The following PARP9 variants were observed in gnomAD, a reference collection of about 807,000 sequenced individuals.
The protein encoded by PARP9 is protein mono-ADP-ribosyltransferase PARP9.
Under a neutral mutation model 68.8 loss-of-function variants are expected in PARP9, and 48 were observed. The observed-to-expected ratio is 0.70, with a 90% CI of 0.55 to 0.89. PARP9 has a LOEUF of 0.89. Among genes scored for constraint, PARP9 ranks in the 40% least tolerant of loss-of-function variants. The pLI is 0.00. For synonymous variants in PARP9, 309 were observed against 333.8 expected, an observed-to-expected ratio of 0.93 and a Z score of 0.81; for missense variants, 806 against 969.3, an observed-to-expected ratio of 0.83 and a Z score of 2.24.
intron 9 of PARP9, 65 bp from the exon 10 acceptor site, chr3:122,536,407 T>C (rs2077645344): frequency 1.9e-6 from 3 of 1,556,332 alleles, no homozygotes; most frequent in Admixed American, 2.1e-5. Flanking sequence ...TTGCCTGCTA[T>C]ACTGCTTCAA....
intron 6 of PARP9, among the ~76,000 whole-genome samples, chr3:122,547,761 G>A (rs925999359): frequency 1.3e-5 from 2 of 152,086 alleles, no homozygotes; most frequent in Admixed American, 1.3e-4. Flanking sequence ...GCTGAGATGG[G>A]AGGATTGCTT....
At position 122,528,375 on chromosome 3, in the gene PARP9, G is replaced by C. The variant is rs1261466540; in HGVS notation, c.2449C>G (p.Pro817Ala). Residue 817 changes from proline (P) to alanine (A), a missense_variant, in exon 11 of 11, where the codon CCT (proline) becomes GCT (alanine). Transcript: ENST00000682323. ...HPWRGFASGS[P>A]VD ...AAATGATGTAGAGATTAATCAACAG[G>C]GCTGCCACTTGCGAATCCCCTCCAA... 1.2e-6 allele frequency: 2 copies of C among 1,612,834 alleles called. No individual in the cohort carries two copies. The highest frequency in any genetic ancestry group is 2.7e-5 in the African/African-American group (2 of 74,914).
intron 6 of PARP9, among the ~76,000 whole-genome samples, chr3:122,549,118 A>T (rs1185102819): frequency 2.0e-5 from 3 of 151,616 alleles, no homozygotes; most frequent in African/African-American, 7.3e-5. Flanking sequence ...GGGTTCAAGC[A>T]ATTCTCCTGC....
chr3:122,536,176 GT>G lies in PARP9; in HGVS notation c.2071del (p.Thr691HisfsTer33), dbSNP rs1467787196. On this transcript the variant is annotated frameshift_variant, in exon 10 of 11. Coordinates refer to ENST00000682323, the MANE Select transcript of PARP9 (RefSeq NM_001146105.2). LOFTEE classifies it low-confidence loss of function (END_TRUNC). ...CRVGFQRMYS[T>X]PCDPKYGAGI... is the part of the protein sequence containing the mutation. ...GAGGCATTGACACCTACCGCAAGGTGTCGAGTACATTCTTTGAAAGCCAACT... is the reference window on the plus strand; with the variant it reads ...GAGGCATTGACACCTACCGCAAGGTGCGAGTACATTCTTTGAAAGCCAACT... 3.7e-6 allele frequency: 6 copies of G among 1,614,136 alleles called. No homozygotes were observed. Among genetic ancestry groups the G allele is most frequent in the Non-Finnish European group, 5.1e-6 (6 of 1,180,026 alleles).
chr3:122,543,886 C>CTCCCA (rs1553716197), intron 7 of PARP9, among the ~76,000 whole-genome samples: 33 of 152,366 alleles, frequency 2.2e-4, no homozygotes, highest in Non-Finnish European at 4.0e-4. Flanking sequence ...GCTGGGATTA[C>CTCCCA]AGGCTTGAGC....
At chr3:122,540,876 C>G (rs778522108) in intron 7 of PARP9, 24 bp from the exon 8 acceptor site, 1 of 1,566,902 alleles carries the variant, frequency 6.4e-7, no homozygotes, top group Non-Finnish European at 8.6e-7. Flanking sequence ...AATAAGCAAC[C>G]ATGGAAGACT....
intron 10 of PARP9, chr3:122,533,588 G>A: frequency 1.4e-6 from 1 of 695,444 alleles, no homozygotes; most frequent in Non-Finnish European, 1.8e-6. Flanking sequence ...AAATTGTAAG[G>A]GCAAGAACTC....
chr3:122,535,136 T>C (rs2077550747), intron 10 of PARP9: 1 of 985,152 alleles, frequency 1.0e-6, no homozygotes, highest in Non-Finnish European at 1.2e-6. Flanking sequence ...TGGGTGGGGA[T>C]TGCAGAGAAG....
intron 8 of PARP9, among the ~76,000 whole-genome samples, chr3:122,540,165 T>C (rs2078083107): frequency 6.6e-6 from 1 of 152,238 alleles, no homozygotes; most frequent in South Asian, 2.1e-4. Flanking sequence ...ATTAGAAATG[T>C]ATACTTTTCC....
chr3:122,528,429 C>G lies in PARP9; in HGVS notation c.2395G>C (p.Gly799Arg). 2 of 1,614,204 alleles carry G rather than the reference C, an allele frequency of 1.2e-6. No individual in the cohort carries two copies. Among genetic ancestry groups the G allele is most frequent in the Non-Finnish European group, 1.7e-6 (2 of 1,180,034 alleles). ...TGCTGTGCAAAGGGTCTCATTGGTCCTGATGAGTAATCTTGTGACTGTACA... is the reference window on the plus strand; with the variant it reads ...TGCTGTGCAAAGGGTCTCATTGGTCGTGATGAGTAATCTTGTGACTGTACA... ...EYVQSQDYSSGPMRPFAQHPW... is the reference protein window; with the variant it reads ...EYVQSQDYSSRPMRPFAQHPW... The change falls in exon 11 of 11, where the codon GGA becomes CGA. Residue 799 changes from glycine (G) to arginine (R), a missense_variant. By Grantham distance (125) the Gly-to-Arg change is moderately radical. Around this residue, in one of 2 missense-constraint regions of PARP9, gnomAD observed 680 missense variants for 858.8 expected, o/e 0.79. Transcript: ENST00000682323.
Position 122,528,491 on chromosome 3 carries a change from G to T in PARP9, c.2333C>A (p.Ala778Asp). 6.2e-7 allele frequency: 1 copy of T among 1,614,178 alleles called. No homozygotes were observed. Among genetic ancestry groups the T allele is most frequent in the Non-Finnish European group, 8.5e-7 (1 of 1,180,032 alleles). The change falls in exon 11 of 11, where the codon GCT becomes GAT. Residue 778 changes from alanine to aspartate, a missense_variant. Ala to Asp is a moderately radical substitution (Grantham distance 126). Transcript: ENST00000682323. ...ETFVIFSGMQ[A>D]IPQYLWTCTQ... ...GCATGTCCACAAATACTGAGGTATA[G>T]CCTGCATGCCACTAAAAATAACAAA...
intron 3 of PARP9, among the ~76,000 whole-genome samples, chr3:122,557,183 G>T (rs1459859704): frequency 1.3e-5 from 2 of 151,772 alleles, no homozygotes; most frequent in Non-Finnish European, 2.9e-5. Context: ...TTCCCAGAGT[G>T]CTCCAAAAGA....
intron 6 of PARP9, chr3:122,546,119 C>T (rs1263535267): frequency 6.6e-6 from 1 of 152,274 alleles, no homozygotes; most frequent in Non-Finnish European, 1.5e-5. Context: ...CCATGGTATT[C>T]ACTGTCTTCC....
intron 7 of PARP9, among the ~76,000 whole-genome samples, chr3:122,543,717 TCCTCCCATCTCAG>T: frequency 6.6e-6 from 1 of 152,192 alleles, no homozygotes; most frequent in East Asian, 1.9e-4. Flanking sequence ...GCTTAGGTGA[TCCTCCCATCTCAG>T]CCTCCCAAGT....
intron 10 of PARP9, among the ~76,000 whole-genome samples, chr3:122,529,541 G>C (rs2077154470): frequency 6.6e-6 from 1 of 151,212 alleles, no homozygotes; most frequent in Non-Finnish European, 1.5e-5. Flanking sequence ...ACGAGGTCAG[G>C]AGATGGACAC....
rs748169003 is a variant in PARP9, at chr3:122,536,312, C to A, written c.1936G>T (p.Ala646Ser). 2.5e-6 allele frequency: 4 copies of A among 1,614,118 alleles called. No individual in the cohort carries two copies. The highest frequency in any genetic ancestry group is 3.4e-6 in the Non-Finnish European group (4 of 1,180,016). The change falls in exon 10 of 11, where the codon GCT (alanine) becomes TCT (serine). Residue 646 changes from alanine to serine, a missense_variant. By Grantham distance (99) the Ala-to-Ser change is moderately conservative (BLOSUM62 1). This residue lies in a region of PARP9 where 680 missense variants were observed against 858.8 expected (regional missense o/e 0.79). Transcript: ENST00000682323. ...VEKIDNEVLMAAFQRKKKMME... is the reference protein window; with the variant it reads ...VEKIDNEVLMSAFQRKKKMME... The stretch of plus-strand genomic sequence containing the variant: ...ATTTTCTTCTTTCTTTGAAAGGCAG[C>A]CATAAGGACCTCATTGTCTATCTTC...
chr3:122,532,114 T>G, intron 10 of PARP9: 2 of 979,422 alleles, frequency 2.0e-6, no homozygotes, highest in Non-Finnish European at 1.2e-6. Context: ...ATCACCTGAG[T>G]GGAGAGTGGC....
intron 10 of PARP9, chr3:122,534,735 A>G (rs1214301044): frequency 4.6e-6 from 1 of 216,554 alleles, no homozygotes; most frequent in African/African-American, 2.4e-5. Flanking sequence ...AATTAACTGC[A>G]CGTGGTGGCA....
At chr3:122,545,547 A>G in intron 6 of PARP9, 58 bp from the exon 7 acceptor site, 2 of 1,520,936 alleles carry the variant, frequency 1.3e-6, no homozygotes, top group East Asian at 2.3e-5. Context: ...CATTGTCATC[A>G]AAGTCTCCCT....
Sources: gnomAD v4.1 joint callset for allele counts (sites outside exome capture counted in the v4.1 genomes callset) on GRCh38, gnomAD v4.1.1 for gene constraint, gnomAD v4.1.1 regional missense constraint, MANE v1.5 for transcripts, NCBI Gene and HGNC (gene_info 2026-07-23, HGNC 2026-07-21) for gene names.